Variants in CDCA5 observed in about 807,000 individuals in gnomAD.
CDCA5 encodes sororin.
Under a neutral mutation model 25.7 loss-of-function variants are expected in CDCA5, and 14 were observed. The ratio of observed to expected loss-of-function variants is 0.54; its 90% CI spans 0.36 to 0.85. The LOEUF (loss-of-function observed/expected upper bound fraction) is 0.85. Among genes scored for constraint, CDCA5 ranks in the 40% least tolerant of loss-of-function variants. The pLI is 0.01. For missense variants in CDCA5, 307 were observed against 324.5 expected, an observed-to-expected ratio of 0.95 and a Z score of 0.41; for synonymous variants, 127 against 128.7, an observed-to-expected ratio of 0.99 and a Z score of 0.09.
At chr11:65,064,987 C>G (rs1947219114), downstream of CDCA5, among the ~76,000 whole-genome samples, 1 of 152,130 alleles carries the variant, frequency 6.6e-6, no homozygotes, top group Non-Finnish European at 1.5e-5. Flanking sequence ...GGCCTGATCC[C>G]TAGGAGTCTG....
chr11:65,080,349 A>G (rs1429992683), intron 4 of CDCA5, among the ~76,000 whole-genome samples: 6 of 152,186 alleles, frequency 3.9e-5, no homozygotes, highest in Non-Finnish European at 7.3e-5. Context: ...TGTGCCCAGC[A>G]TCCAGCCTCT....
chr11:65,073,105 C>T (rs1170635753), downstream of CDCA5, among the ~76,000 whole-genome samples: 2 of 151,830 alleles, frequency 1.3e-5, no homozygotes, highest in South Asian at 2.1e-4. Context: ...CCACCATGCC[C>T]GGCTAATTTT....
At chr11:65,064,026 G>A (rs902038640), downstream of CDCA5, among the ~76,000 whole-genome samples, 4 of 152,184 alleles carry the variant, frequency 2.6e-5, no homozygotes, top group African/African-American at 9.7e-5. Flanking sequence ...TTTGGAGCTG[G>A]TTGGGGAGGG....
downstream of CDCA5, among the ~76,000 whole-genome samples, chr11:65,072,985 C>CCAGG (rs1335573810): frequency 6.8e-6 from 1 of 146,564 alleles, no homozygotes; most frequent in Non-Finnish European, 1.5e-5. Context: ...TCTCTTTCAC[C>CCAGG]CAGGCTGGAG....
At chr11:65,067,989 G>GCT in intron 3 of CDCA5, 2 of 1,170,062 alleles carry the variant, frequency 1.7e-6, no homozygotes, top group African/African-American at 1.6e-5. Context: ...GCCTGCATGG[G>GCT]CACTCTCTCT....
rs1268014123 is a variant in CDCA5 at position 65,083,710 on chromosome 11, TG to T, written c.59del (p.Pro20HisfsTer41). Reference sequence around the variant, plus strand: ...ACCTCCGCAGAGGCTTAGTAGGAGATGGGGCCCTTGGCCCTGGAAAGAGAAA... The same window carrying T: ...ACCTCCGCAGAGGCTTAGTAGGAGATGGGCCCTTGGCCCTGGAAAGAGAAA... Reference protein sequence around the residue: ...GAAQRSGPRAPSPTKPLRRSQ... With the variant: ...GAAQRSGPRAXSPTKPLRRSQ... On this transcript the variant is annotated frameshift_variant, in exon 2 of 6. Transcript: ENST00000275517. LOFTEE classifies it high-confidence loss of function. The T allele has an allele frequency of 1.2e-6, 2 of 1,613,648 alleles. No homozygotes were observed. The highest frequency in any genetic ancestry group is 1.7e-6 in the Non-Finnish European group (2 of 1,179,860).
In CDCA5 at chr11:65,078,969, G is replaced by A; in HGVS notation, c.*138C>T. ...GCTGCTGCCCAAGCCCTCAAAGGCA[G>A]ACAGTCCTCATGCGCAGCACCAGCA... On this transcript the variant is annotated 3_prime_UTR_variant, in exon 6 of 6. Transcript: ENST00000275517. 3 of 1,280,684 alleles carry A rather than the reference G, an allele frequency of 2.3e-6. No homozygotes were observed. The highest frequency in any genetic ancestry group is 3.0e-4 in the Middle Eastern group (1 of 3,366). 79.3% of individuals were successfully genotyped at this position (1,280,684 alleles called of 1,614,324 possible).
chr11:65,068,565 C>T, exon 2 of CDCA5: 1 of 1,289,402 alleles, frequency 7.8e-7, no homozygotes, highest in Non-Finnish European at 1.0e-6. Flanking sequence ...GGCTTGTTGG[C>T]CAGCTTGGAG....
downstream of CDCA5, among the ~76,000 whole-genome samples, chr11:65,063,447 G>A (rs1029037712): frequency 6.6e-6 from 1 of 152,136 alleles, no homozygotes; most frequent in South Asian, 2.1e-4. Flanking sequence ...GATAACAGTC[G>A]CCAACACATG....
intron 4 of CDCA5, among the ~76,000 whole-genome samples, chr11:65,082,013 G>A (rs1180827723): frequency 2.6e-5 from 4 of 152,196 alleles, no homozygotes; most frequent in Non-Finnish European, 4.4e-5. Flanking sequence ...AATAGGGTAA[G>A]GGTGGTCAGG....
downstream of CDCA5, among the ~76,000 whole-genome samples, chr11:65,065,334 C>T (rs1035798066): frequency 1.3e-5 from 2 of 152,102 alleles, no homozygotes; most frequent in Non-Finnish European, 2.9e-5. Context: ...GTCGTCCAGG[C>T]TGGAGTACAG....
chr11:65,061,786 A>G (rs1046614902), downstream of CDCA5, among the ~76,000 whole-genome samples: 1 of 151,234 alleles, frequency 6.6e-6, no homozygotes, highest in Middle Eastern at 3.4e-3. Context: ...AGAAAAAAAA[A>G]AAAAAAAAAC....
intron 1 of CDCA5, among the ~76,000 whole-genome samples, chr11:65,070,245 G>C (rs984998626): frequency 6.6e-6 from 1 of 152,210 alleles, no homozygotes; most frequent in African/African-American, 2.4e-5. Flanking sequence ...TAGACACTGG[G>C]GCCAGGATGC....
intron 1 of CDCA5, among the ~76,000 whole-genome samples, chr11:65,070,496 A>G (rs1947319465): frequency 6.6e-6 from 1 of 152,256 alleles, no homozygotes; most frequent in East Asian, 1.9e-4. Context: ...GACTTTATTT[A>G]CTTTTGAGAC....
At chr11:65,074,555 T>G (rs1206935948), downstream of CDCA5, among the ~76,000 whole-genome samples, 1 of 152,024 alleles carries the variant, frequency 6.6e-6, no homozygotes, top group Non-Finnish European at 1.5e-5. Context: ...CTGGTCTTAT[T>G]ACACTCAGGT....
intron 1 of CDCA5, among the ~76,000 whole-genome samples, chr11:65,072,034 A>G (rs1301253336): frequency 6.6e-5 from 10 of 152,204 alleles, no homozygotes. Context: ...ACAAAAATGA[A>G]TCTCCTCCTT....
chr11:65,069,824 C>G (rs922743311), intron 1 of CDCA5, among the ~76,000 whole-genome samples: 5 of 152,248 alleles, frequency 3.3e-5, no homozygotes, highest in African/African-American at 9.6e-5. Flanking sequence ...CTTACTGGTC[C>G]CTGTAAACAT....
downstream of CDCA5, among the ~76,000 whole-genome samples, chr11:65,076,240 T>C (rs1456801967): frequency 6.6e-6 from 1 of 152,150 alleles, no homozygotes; most frequent in Non-Finnish European, 1.5e-5. Context: ...CTCAGCCTCC[T>C]GAGTAGCTGG....
In CDCA5 at chr11:65,077,582, G is replaced by A; in HGVS notation, c.*1525C>T. 1 of 985,432 alleles carries A rather than the reference G, an allele frequency of 1.0e-6. No homozygotes were observed. The highest frequency in any genetic ancestry group is 1.2e-6 in the Non-Finnish European group (1 of 829,930). The allele number at this position is 985,432 out of a possible 1,614,324, so 61.0% of individuals were successfully genotyped here. A position where few individuals can be genotyped will look rare whatever the true frequency, so the allele number is the denominator to read the frequency against. On this transcript the variant is annotated 3_prime_UTR_variant, in exon 6 of 6. Coordinates refer to ENST00000275517, the MANE Select transcript of CDCA5 (RefSeq NM_080668.4). Reference sequence around the variant, plus strand: ...TGATCTCAACTCTGCATCATCTGGTGACTCCTGATTCTGCAGGACTAAGAC... The same window carrying A: ...TGATCTCAACTCTGCATCATCTGGTAACTCCTGATTCTGCAGGACTAAGAC...
Sources: allele counts gnomAD v4.1 joint callset (sites outside exome capture counted in the v4.1 genomes callset), GRCh38; gene constraint gnomAD v4.1.1; transcripts MANE v1.5; gene names NCBI Gene and HGNC (gene_info 2026-07-23, HGNC 2026-07-21).